NECAB2: variants seen among roughly 807,000 people sequenced by gnomAD.
NECAB2 encodes N-terminal EF-hand calcium binding protein 2.
A neutral mutation model predicts 51.9 loss-of-function variants in NECAB2; 68 were observed. The ratio of observed to expected loss-of-function variants is 1.31; its 90% CI spans 1.08 to 1.60. The LOEUF is 1.60. Ranked by LOEUF, NECAB2 falls within the 40% of genes most tolerant of loss-of-function variation. The pLI is 0.00. For missense variants in NECAB2, 854 were observed against 490.3 expected (o/e 1.74, Z -7.00); for synonymous variants, 329 against 203.5 (o/e 1.62, Z -5.25).
chr16:83,971,976 T>A, intron 1 of NECAB2, 175 bp from the exon 2 acceptor site: 1 of 803,284 alleles, frequency 1.2e-6, no homozygotes, highest in East Asian at 2.7e-5. Flanking sequence ...GCAACATCCC[T>A]CATCAGTTCC....
intron 5 of NECAB2, among the ~76,000 whole-genome samples, chr16:83,985,253 C>T (rs2151091859): frequency 8.2e-6 from 1 of 122,524 alleles, no homozygotes; most frequent in African/African-American, 3.0e-5. Flanking sequence ...GTGGAGGTTG[C>T]AGTGAGTAGA....
intron 8 of NECAB2, among the ~76,000 whole-genome samples, chr16:83,996,710 G>T (rs1217462000): frequency 6.6e-6 from 1 of 152,196 alleles, no homozygotes; most frequent in Non-Finnish European, 1.5e-5. Flanking sequence ...TGGGGGCTCA[G>T]CCCTGTGTGG....
At chr16:83,985,416 C>T (rs1198988827) in intron 5 of NECAB2, among the ~76,000 whole-genome samples, 1 of 143,426 alleles carries the variant, frequency 7.0e-6, no homozygotes, top group Admixed American at 7.4e-5. Context: ...AGATAGATCA[C>T]AAGGTCAGGA....
chr16:84,000,647 G>C, intron 10 of NECAB2, 77 bp from the exon 11 acceptor site: 1 of 1,312,646 alleles, frequency 7.6e-7, no homozygotes. Context: ...GTGGGTCTCA[G>C]GCCACCCCAG....
At chr16:83,999,366 A>C (rs1597229762) in intron 10 of NECAB2, among the ~76,000 whole-genome samples, 1 of 152,204 alleles carries the variant, frequency 6.6e-6, no homozygotes, top group African/African-American at 2.4e-5. Context: ...GGGAGGCTCC[A>C]GGGTGAAGTA....
intron 1 of NECAB2, among the ~76,000 whole-genome samples, chr16:83,970,967 G>A (rs185212981): frequency 2.6e-5 from 4 of 152,254 alleles, no homozygotes; most frequent in South Asian, 2.1e-4. Flanking sequence ...GATGGCGGGC[G>A]TCTGTAGTCC....
chr16:83,979,007 C>G (rs1450814583), intron 3 of NECAB2, among the ~76,000 whole-genome samples: 1 of 152,178 alleles, frequency 6.6e-6, no homozygotes, highest in Non-Finnish European at 1.5e-5. Context: ...CTACGTCTAT[C>G]ATTATAGCTT....
chr16:83,970,706 C>T (rs2084338285), intron 1 of NECAB2, among the ~76,000 whole-genome samples: 1 of 152,146 alleles, frequency 6.6e-6, no homozygotes, highest in Admixed American at 6.5e-5. Context: ...CATGTTGCTG[C>T]CTCTCCCTGG....
At chr16:83,994,091 C>T (rs1021905718) in intron 6 of NECAB2, among the ~76,000 whole-genome samples, 2 of 152,208 alleles carry the variant, frequency 1.3e-5, no homozygotes, top group Non-Finnish European at 2.9e-5. Flanking sequence ...AATTCGAATC[C>T]CAGCTCTGCC....
intron 9 of NECAB2, among the ~76,000 whole-genome samples, 169 bp from the exon 10 acceptor site, chr16:83,998,036 C>G (rs1004842493): frequency 2.0e-5 from 3 of 152,052 alleles, no homozygotes; most frequent in African/African-American, 7.2e-5. Flanking sequence ...GGTTCTAGTC[C>G]TTTCTTAGCC....
At chr16:83,992,377 T>TTCCCCC (rs1555548086) in intron 6 of NECAB2, among the ~76,000 whole-genome samples, 9 of 133,040 alleles carry the variant, frequency 6.8e-5, no homozygotes, top group African/African-American at 2.9e-4. Flanking sequence ...CGAGCACCCG[T>TTCCCCC]CCCCCCGCCC....
At chr16:83,965,274 C>T (rs199638292), upstream of NECAB2, 1 of 1,606,982 alleles carries the variant, frequency 6.2e-7, no homozygotes, top group Admixed American at 1.7e-5. Flanking sequence ...GCCCAGCAGC[C>T]CTTCTCGCTG....
intron 5 of NECAB2, among the ~76,000 whole-genome samples, chr16:83,984,057 A>G (rs960864516): frequency 3.4e-5 from 5 of 145,298 alleles, no homozygotes; most frequent in African/African-American, 5.1e-5. Context: ...GTGCAGTGGC[A>G]CAGTCCCAGC....
chr16:83,972,765 T>C (rs750183649), intron 2 of NECAB2, among the ~76,000 whole-genome samples: 4 of 152,162 alleles, frequency 2.6e-5, no homozygotes, highest in Non-Finnish European at 5.9e-5. Context: ...AGCGCCTTGT[T>C]GTGGCCACGG....
chr16:83,967,705 CGGATGGATGGATGGAT>C (rs60129536), upstream of NECAB2, among the ~76,000 whole-genome samples: 812 of 77,260 alleles, frequency 0.011, 6 homozygotes, highest in South Asian at 0.022. Flanking sequence ...GATGGATGGA[CGGATGGATGGATGGAT>C]GGATGGATGG....
chr16:83,992,336 G>A (rs922819223), intron 6 of NECAB2, among the ~76,000 whole-genome samples: 2 of 150,794 alleles, frequency 1.3e-5, no homozygotes, highest in South Asian at 2.1e-4. Context: ...CGACATTCTC[G>A]TGGCTCAGCA....
At chr16:83,997,417 C>A (rs551008227) in intron 9 of NECAB2, 148 bp downstream of exon 9, 2 of 997,372 alleles carry the variant, frequency 2.0e-6, no homozygotes, top group Non-Finnish European at 3.0e-6. Flanking sequence ...GGCACCCAGA[C>A]CCTGCCCTGG....
chr16:83,994,607 A>G lies in NECAB2; in HGVS notation c.716-2A>G. 5 of 1,614,110 alleles carry G rather than the reference A, an allele frequency of 3.1e-6. No individual in the cohort carries two copies. Among genetic ancestry groups the G allele is most frequent in the Non-Finnish European group, 4.2e-6 (5 of 1,180,024 alleles). ...GTCTGTGTGTCTCTTTCTCTACCGCAGCCACGGAGGATGCAAAGGAAGAGG... is the reference window on the plus strand; with the variant it reads ...GTCTGTGTGTCTCTTTCTCTACCGCGGCCACGGAGGATGCAAAGGAAGAGG... On this transcript the variant is annotated splice_acceptor_variant, in intron 7 of 12. Transcript: ENST00000305202. LOFTEE classifies it high-confidence loss of function.
intron 10 of NECAB2, among the ~76,000 whole-genome samples, chr16:84,000,018 C>T (rs1156688790): frequency 6.6e-6 from 1 of 151,644 alleles, no homozygotes; most frequent in East Asian, 1.9e-4. Flanking sequence ...TCCTGCATCG[C>T]TGGGATTACA....
Sources: allele counts gnomAD v4.1 joint callset (sites outside exome capture counted in the v4.1 genomes callset), GRCh38; gene constraint gnomAD v4.1.1; transcripts MANE v1.5; gene names NCBI Gene and HGNC (gene_info 2026-07-23, HGNC 2026-07-21).